The following TPTE2 variants were observed in gnomAD, a reference collection of about 807,000 sequenced individuals.
The protein encoded by TPTE2 is phosphatidylinositol 3,4,5-trisphosphate 3-phosphatase TPTE2.
Under a neutral mutation model 78.6 loss-of-function variants are expected in TPTE2, and 53 were observed. The observed-to-expected ratio is 0.67, with a 90% CI of 0.54 to 0.85. TPTE2 has a LOEUF of 0.85. Ranked by LOEUF, TPTE2 falls within the 40% of genes least tolerant of loss-of-function variation. TPTE2 has a pLI of 0.00. For missense variants in TPTE2, 461 were observed against 623.0 expected, an observed-to-expected ratio of 0.74 and a Z score of 2.77; for synonymous variants, 175 against 206.2, an observed-to-expected ratio of 0.85 and a Z score of 1.30.
the TPTE2 span, among the ~76,000 whole-genome samples, chr13:19,546,490 T>C: frequency 7.6e-6 from 1 of 130,728 alleles, no homozygotes; most frequent in African/African-American, 3.0e-5. Context: ...TTTCTTTTTT[T>C]TTTTTTTTTT....
At chr13:19,544,580 A>G in the TPTE2 span, among the ~76,000 whole-genome samples, 1 of 152,224 alleles carries the variant, frequency 6.6e-6, no homozygotes, top group Non-Finnish European at 1.5e-5. Context: ...CATTCTAAAC[A>G]TTCTAAGTTA....
intron 1 of TPTE2, among the ~76,000 whole-genome samples, chr13:19,515,162 T>C (rs1869714371): frequency 6.6e-6 from 1 of 152,190 alleles, no homozygotes. Context: ...CTCCCAAGAC[T>C]CAAGAATTAA....
At chr13:19,483,784 T>A (rs969877780) in intron 3 of TPTE2, among the ~76,000 whole-genome samples, 1 of 152,186 alleles carries the variant, frequency 6.6e-6, no homozygotes, top group East Asian at 1.9e-4. Context: ...AAAACATACT[T>A]CTTTTTTTTT....
chr13:19,451,234 G>T lies in TPTE2; in HGVS notation c.742-9C>A. The T allele has an allele frequency of 6.2e-7, 1 of 1,613,224 alleles. No homozygotes were observed. The highest frequency in any genetic ancestry group is 8.5e-7 in the Non-Finnish European group (1 of 1,179,542). The stretch of plus-strand genomic sequence containing the variant: ...AGAAACCGCACAACTTCCTAAAAAA[G>T]ACAAACACATATCTTACATATTTAC... On this transcript the variant is annotated splice_polypyrimidine_tract_variant and intron_variant, in intron 10 of 19. Coordinates refer to ENST00000400230, the Ensembl canonical transcript of TPTE2.
chr13:19,534,604 T>C (rs1248595766), intron 1 of TPTE2, among the ~76,000 whole-genome samples: 1 of 152,194 alleles, frequency 6.6e-6, no homozygotes, highest in Non-Finnish European at 1.5e-5. Flanking sequence ...TCTACCACCA[T>C]CACTCATATA....
At chr13:19,453,003 TTA>T (rs1730637228) in intron 10 of TPTE2, among the ~76,000 whole-genome samples, 1 of 70,934 alleles carries the variant, frequency 1.4e-5, no homozygotes, top group Non-Finnish European at 2.5e-5. Flanking sequence ...TTATTTTATT[TTA>T]TTTTATGTTA....
intron 1 of TPTE2, among the ~76,000 whole-genome samples, chr13:19,494,863 A>ATGTG (rs953761868): frequency 2.0e-5 from 3 of 152,318 alleles, no homozygotes; most frequent in Admixed American, 6.5e-5. Context: ...CAGTTAGTCT[A>ATGTG]TGTGTCATTC....
the TPTE2 span, among the ~76,000 whole-genome samples, chr13:19,551,271 G>C: frequency 3.9e-5 from 6 of 152,108 alleles, no homozygotes; most frequent in Admixed American, 6.6e-5. Flanking sequence ...ATGAAACACA[G>C]TATGCTGTAT....
intron 13 of TPTE2, among the ~76,000 whole-genome samples, chr13:19,447,275 CT>C (rs1238589354): frequency 6.6e-6 from 1 of 151,980 alleles, no homozygotes; most frequent in Non-Finnish European, 1.5e-5. Flanking sequence ...TGTAAACCCC[CT>C]CTCAGCAAAA....
intron 1 of TPTE2, among the ~76,000 whole-genome samples, chr13:19,509,432 G>T (rs1400670822): frequency 6.6e-6 from 1 of 152,062 alleles, no homozygotes; most frequent in Non-Finnish European, 1.5e-5. Context: ...TACAAGAAGG[G>T]AGCATAACTA....
At chr13:19,457,964 C>T (rs1327861698) in intron 10 of TPTE2, among the ~76,000 whole-genome samples, 1 of 152,090 alleles carries the variant, frequency 6.6e-6, no homozygotes, top group African/African-American at 2.4e-5. Context: ...ACACAAAATA[C>T]AGGTGCATCT....
intron 3 of TPTE2, among the ~76,000 whole-genome samples, chr13:19,490,381 A>G (rs2137633694): frequency 6.6e-6 from 1 of 152,334 alleles, no homozygotes; most frequent in South Asian, 2.1e-4. Flanking sequence ...GTTACCCTGA[A>G]AAATGGACAT....
chr13:19,474,145 C>T (rs1879803600), intron 5 of TPTE2, 70 bp from the exon 9 acceptor site: 7 of 1,289,096 alleles, frequency 5.4e-6, no homozygotes, highest in Admixed American at 2.6e-5. Flanking sequence ...GGGCATTTGT[C>T]CCTATAGCTA....
At chr13:19,489,072 G>A (rs1172311970) in intron 3 of TPTE2, among the ~76,000 whole-genome samples, 3 of 152,120 alleles carry the variant, frequency 2.0e-5, no homozygotes, top group African/African-American at 7.2e-5. Flanking sequence ...TGGGGGAATG[G>A]CTAGTCAGTG....
chr13:19,503,252 C>A, exon 1 of TPTE2: 1 of 1,613,748 alleles, frequency 6.2e-7, no homozygotes, highest in South Asian at 1.1e-5. Context: ...TCTGGGTTCA[C>A]TCCTGATAAT....
At chr13:19,485,242 A>G (rs370880715) in intron 3 of TPTE2, among the ~76,000 whole-genome samples, 4 of 152,218 alleles carry the variant, frequency 2.6e-5, no homozygotes, top group African/African-American at 9.6e-5. Flanking sequence ...AGGCTGGTCT[A>G]GTGGTGATGA....
intron 1 of TPTE2, among the ~76,000 whole-genome samples, chr13:19,495,854 G>T (rs547047510): frequency 1.7e-3 from 256 of 151,774 alleles, no homozygotes; most frequent in Middle Eastern, 6.8e-3. Context: ...TGTTTTTTTT[G>T]TTGTTGTTGT....
intron 1 of TPTE2, among the ~76,000 whole-genome samples, chr13:19,525,362 G>C (rs1262601249): frequency 6.6e-6 from 1 of 152,112 alleles, no homozygotes; most frequent in East Asian, 1.9e-4. Context: ...CAGGCCAATG[G>C]AACAGGTTAG....
At chr13:19,454,191 A>T (rs1878389103) in intron 10 of TPTE2, among the ~76,000 whole-genome samples, 1 of 152,136 alleles carries the variant, frequency 6.6e-6, no homozygotes, top group African/African-American at 2.4e-5. Context: ...CAAATTTACC[A>T]CTTATGAAAT....
Sources: gnomAD v4.1 joint callset for allele counts (sites outside exome capture counted in the v4.1 genomes callset) on GRCh38, gnomAD v4.1.1 for gene constraint, MANE v1.5 for transcripts, NCBI Gene and HGNC (gene_info 2026-07-23, HGNC 2026-07-21) for gene names.